Variants in SEC24D observed in about 807,000 individuals in gnomAD.
SEC24D encodes the protein protein transport protein Sec24D.
Under a neutral mutation model 116.9 loss-of-function variants are expected in SEC24D, and 69 were observed. That is an observed-to-expected ratio of 0.59 (90% CI 0.49 to 0.72). SEC24D has a LOEUF of 0.72. Among genes scored for constraint, SEC24D ranks in the 30% least tolerant of loss-of-function variants. SEC24D has a pLI of 0.00. For missense variants in SEC24D, 1,131 were observed against 1,264.1 expected (o/e 0.89, Z 1.60); for synonymous variants, 405 against 442.8 (o/e 0.91, Z 1.07).
chr4:118,805,491 T>G (rs1037365879), intron 7 of SEC24D, among the ~76,000 whole-genome samples: 5 of 152,188 alleles, frequency 3.3e-5, no homozygotes, highest in African/African-American at 4.8e-5. Context: ...TGCTAACATC[T>G]CAAACAGTCT....
intron 8 of SEC24D, among the ~76,000 whole-genome samples, chr4:118,780,247 A>C (rs1406522592): frequency 6.6e-6 from 1 of 152,098 alleles, no homozygotes; most frequent in Non-Finnish European, 1.5e-5. Flanking sequence ...TAGTGCTATA[A>C]ATTTCCCTCT....
At chr4:118,818,859 A>G (rs1730267070) in intron 3 of SEC24D, among the ~76,000 whole-genome samples, 1 of 152,276 alleles carries the variant, frequency 6.6e-6, no homozygotes, top group Admixed American at 6.5e-5. Context: ...AATGGAATGA[A>G]TAACATTGTA....
intron 8 of SEC24D, among the ~76,000 whole-genome samples, chr4:118,786,265 C>A (rs2110492351): frequency 6.6e-6 from 1 of 152,246 alleles, no homozygotes; most frequent in African/African-American, 2.4e-5. Context: ...AGAAACAATG[C>A]CAAATTAAAA....
intron 8 of SEC24D, among the ~76,000 whole-genome samples, chr4:118,795,695 C>G (rs891169280): frequency 1.3e-5 from 2 of 152,098 alleles, no homozygotes; most frequent in African/African-American, 4.8e-5. Context: ...ACATGAAGTC[C>G]TAGAATAGGC....
chr4:118,739,290 G>C lies in SEC24D; in HGVS notation c.2239-3C>G. On this transcript the variant is annotated splice_region_variant and splice_polypyrimidine_tract_variant and intron_variant, in intron 17 of 22. Transcript: ENST00000280551. ...ATTGTCGTGTAAAGCACAGCACACT[G>C]TAGAAGCAACATTGAGGTCACATGT... is the stretch of plus-strand genomic sequence containing the variant. The C allele has an allele frequency of 6.2e-7, 1 of 1,609,178 alleles. No homozygotes were observed. Among genetic ancestry groups the C allele is most frequent in the East Asian group, 2.2e-5 (1 of 44,802 alleles).
chr4:118,813,329 T>C (rs1729995805), intron 6 of SEC24D, among the ~76,000 whole-genome samples: 1 of 152,204 alleles, frequency 6.6e-6, no homozygotes, highest in African/African-American at 2.4e-5. Context: ...ACAGCCCTGC[T>C]TAGTCCGTTT....
chr4:118,732,719 C>G lies in SEC24D; in HGVS notation c.2676+14G>C. The stretch of plus-strand genomic sequence containing the variant: ...CAGCCTCCTCTGGGAAATGCACCAC[C>G]CCAGCATGCTTACTATGGGCAGAAG... On this transcript the variant is annotated intron_variant, in intron 20 of 22. Transcript: ENST00000280551. The G allele has an allele frequency of 1.2e-6, 2 of 1,612,574 alleles. No individual in the cohort carries two copies. The highest frequency in any genetic ancestry group is 1.1e-5 in the South Asian group (1 of 90,802).
In SEC24D at chr4:118,731,488, C is replaced by T; in HGVS notation, c.2696G>A (p.Ser899Asn). ...ACGAACGGCAGCAGGTAACATTGTA[C>T]TCTTGACATCTAACGTGTGCTGGGC... ...LLPIHTLDVKSTMLPAAVRCS... is the reference protein window; with the variant it reads ...LLPIHTLDVKNTMLPAAVRCS... Residue 899 changes from serine (S) to asparagine (N), a missense_variant, in exon 21 of 23, where the codon AGT becomes AAT. Physicochemically the swap from Ser to Asn is conservative, Grantham distance 46. Coordinates refer to ENST00000280551, the MANE Select transcript of SEC24D (RefSeq NM_014822.4). 3 of 1,614,052 alleles carry T rather than the reference C, an allele frequency of 1.9e-6. No homozygotes were observed. Among genetic ancestry groups the T allele is most frequent in the Non-Finnish European group, 2.5e-6 (3 of 1,179,968 alleles).
intron 22 of SEC24D, among the ~76,000 whole-genome samples, chr4:118,724,447 G>GA (rs1241400471): frequency 6.6e-6 from 1 of 151,166 alleles, no homozygotes; most frequent in African/African-American, 2.4e-5. Context: ...TAAGATTCTA[G>GA]AAAAAAATAG....
At chr4:118,780,307 T>C (rs1455787107) in intron 8 of SEC24D, among the ~76,000 whole-genome samples, 1 of 152,228 alleles carries the variant, frequency 6.6e-6, no homozygotes, top group Non-Finnish European at 1.5e-5. Context: ...TGTGTCTTTG[T>C]TCTCATTGGT....
intron 3 of SEC24D, among the ~76,000 whole-genome samples, chr4:118,821,396 T>C (rs1033210752): frequency 6.6e-6 from 1 of 152,220 alleles, no homozygotes; most frequent in Non-Finnish European, 1.5e-5. Flanking sequence ...AGGTTGCAGA[T>C]TTTATTTAAT....
intron 8 of SEC24D, among the ~76,000 whole-genome samples, chr4:118,776,524 A>G (rs1433600574): frequency 6.6e-6 from 1 of 152,196 alleles, no homozygotes; most frequent in Non-Finnish European, 1.5e-5. Flanking sequence ...TAAACTATCA[A>G]TGGTAGGTAA....
intron 9 of SEC24D, among the ~76,000 whole-genome samples, chr4:118,767,535 C>A (rs1466218784): frequency 3.3e-5 from 5 of 152,072 alleles, no homozygotes; most frequent in Admixed American, 6.5e-5. Context: ...CATTTAACAA[C>A]AAATAATTAA....
At chr4:118,780,291 G>A (rs552019829) in intron 8 of SEC24D, among the ~76,000 whole-genome samples, 37 of 152,220 alleles carry the variant, frequency 2.4e-4, no homozygotes, top group African/African-American at 8.7e-4. Flanking sequence ...AGAGATTCTG[G>A]CACATTGTGT....
chr4:118,783,981 T>A (rs1248139577), intron 8 of SEC24D, among the ~76,000 whole-genome samples: 1 of 152,238 alleles, frequency 6.6e-6, no homozygotes, highest in Non-Finnish European at 1.5e-5. Context: ...GGCGGGCAGA[T>A]CACTTGAGCT....
chr4:118,793,625 T>G (rs978432888), intron 8 of SEC24D, among the ~76,000 whole-genome samples: 25 of 152,224 alleles, frequency 1.6e-4, no homozygotes, highest in African/African-American at 5.5e-4. Context: ...AGACATTTTT[T>G]GGGCACATGC....
chr4:118,739,177 A>ATCTG lies in SEC24D; in HGVS notation c.2345_2348dup (p.Ala784ArgfsTer13). On this transcript the variant is annotated frameshift_variant, in exon 18 of 23. Coordinates refer to ENST00000280551, the MANE Select transcript of SEC24D (RefSeq NM_014822.4). LOFTEE classifies it high-confidence loss of function. Reference sequence around the variant, plus strand: ...ACTTGGCAAAGAAGTTGATAAGAGCATCTGTCTCACAGCTCTTATAAAGAT... The same window carrying ATCTG: ...ACTTGGCAAAGAAGTTGATAAGAGCATCTGTCTGTCTCACAGCTCTTATAAAGAT... 4 of 1,613,526 alleles carry ATCTG rather than the reference A, an allele frequency of 2.5e-6. No individual in the cohort carries two copies. The highest frequency in any genetic ancestry group is 3.4e-6 in the Non-Finnish European group (4 of 1,179,558).
intron 8 of SEC24D, among the ~76,000 whole-genome samples, chr4:118,775,365 A>G (rs1163800919): frequency 1.4e-5 from 2 of 148,146 alleles, no homozygotes; most frequent in Non-Finnish European, 3.0e-5. Context: ...AAAAAAAAAA[A>G]GAAGAAATCT....
intron 2 of SEC24D, among the ~76,000 whole-genome samples, chr4:118,828,527 A>G (rs1232458628): frequency 6.6e-6 from 1 of 152,186 alleles, no homozygotes; most frequent in East Asian, 1.9e-4. Context: ...CACAACTCCC[A>G]GAAGGTTGGG....
Sources: allele counts gnomAD v4.1 joint callset (sites outside exome capture counted in the v4.1 genomes callset), GRCh38; gene constraint gnomAD v4.1.1; transcripts MANE v1.5; gene names NCBI Gene and HGNC (gene_info 2026-07-23, HGNC 2026-07-21).